The following KASH5 variants were observed in gnomAD, a reference collection of about 807,000 sequenced individuals.
KASH5 encodes protein KASH5.
KASH5 carries 72 observed loss-of-function variants against 84.2 expected under a neutral mutation model. The observed-to-expected ratio is 0.85, with a 90% CI of 0.71 to 1.04. The LOEUF is 1.04. Among genes scored for constraint, KASH5 ranks in the 50% least tolerant of loss-of-function variants. KASH5 has a pLI of 0.00. For missense variants in KASH5, 650 were observed against 701.0 expected (o/e 0.93, Z 0.82); for synonymous variants, 260 against 279.1 (o/e 0.93, Z 0.68).
chr19:49,410,958 G>A (rs1180716890), intron 15 of KASH5, among the ~76,000 whole-genome samples: 1 of 149,600 alleles, frequency 6.7e-6, no homozygotes, highest in African/African-American at 2.5e-5. Context: ...TTTTGAGACG[G>A]TCTCACTCGC....
chr19:49,411,431 T>C (rs1281463911), intron 15 of KASH5, among the ~76,000 whole-genome samples: 2 of 152,200 alleles, frequency 1.3e-5, no homozygotes, highest in Non-Finnish European at 2.9e-5. Flanking sequence ...GTTTGGGTTC[T>C]CATTTAACTC....
chr19:49,409,995 T>G lies in KASH5; in HGVS notation c.1269+120T>G, dbSNP rs968725768. On this transcript the variant is annotated intron_variant, in intron 15 of 19. Coordinates refer to ENST00000447857, the MANE Select transcript of KASH5 (RefSeq NM_144688.5). Reference sequence around the variant, plus strand: ...TGTTCCCCATTTGATGAGAAAATGTTAATTGAGGGCCCAGTGTGTGCTGGA... The same window carrying G: ...TGTTCCCCATTTGATGAGAAAATGTGAATTGAGGGCCCAGTGTGTGCTGGA... The G allele has an allele frequency of 5.4e-6, 7 of 1,302,408 alleles. No homozygotes were observed. The African/African-American group carries it at 1.0e-4, about 19-fold the overall frequency. 80.7% of individuals were successfully genotyped at this position (1,302,408 alleles called of 1,614,324 possible).
intron 9 of KASH5, among the ~76,000 whole-genome samples, chr19:49,402,879 C>T (rs547907912): frequency 2.0e-5 from 3 of 152,220 alleles, no homozygotes; most frequent in South Asian, 2.1e-4. Flanking sequence ...TCAATCTACA[C>T]GACATTCATT....
chr19:49,404,122 C>T (rs1040400952), intron 9 of KASH5, among the ~76,000 whole-genome samples: 10 of 152,208 alleles, frequency 6.6e-5, no homozygotes, highest in African/African-American at 2.2e-4. Context: ...CCTTTCCCGT[C>T]CTTCCTCTGC....
intron 5 of KASH5, among the ~76,000 whole-genome samples, chr19:49,396,371 C>T (rs1186388198): frequency 6.6e-6 from 1 of 151,884 alleles, no homozygotes; most frequent in African/African-American, 2.4e-5. Flanking sequence ...TCTTCTGCCT[C>T]AGCCTTCCGC....
In KASH5 at chr19:49,416,544, G is replaced by A. The variant is rs1295877922; in HGVS notation, c.1375-471G>A. 1.3e-5 allele frequency among the ~76,000 whole-genome samples: 2 copies of A among 152,178 alleles called. No individual in the cohort carries two copies. The highest frequency in any genetic ancestry group is 6.5e-5 in the Admixed American group (1 of 15,284). ...CGCCTGCCGATTCTGGCATAGGCAG[G>A]AAGACAGGATTCTTCATGAGGCCCA... is the stretch of plus-strand genomic sequence containing the variant. On this transcript the variant is annotated intron_variant, in intron 17 of 19. Transcript: ENST00000447857. The surrounding 1 kb of genome is among the most constrained non-coding windows in gnomAD (Gnocchi z 5.4).
Position 49,417,845 on chromosome 19 carries a change from A to G in KASH5, c.*335A>G. ...TCCTGTCCCCTCCCTCATGCTCAGG[A>G]GTTGGCAGTTGTAGCTTCCTACATC... On this transcript the variant is annotated 3_prime_UTR_variant, in exon 20 of 20. Transcript: ENST00000447857. The surrounding 1 kb of genome is among the most constrained non-coding windows in gnomAD (Gnocchi z 5.2). 3.6e-6 allele frequency: 1 copy of G among 275,872 alleles called. No homozygotes were observed. The highest frequency in any genetic ancestry group is 6.7e-6 in the Non-Finnish European group (1 of 148,270). The allele number at this position is 275,872 out of a possible 1,614,324, so 17.1% of individuals were successfully genotyped here. A position where few individuals can be genotyped will look rare whatever the true frequency, so the allele number is the denominator to read the frequency against.
chr19:49,391,550 A>G (rs1248893784), intron 2 of KASH5: 2 of 152,260 alleles, frequency 1.3e-5, no homozygotes, highest in Non-Finnish European at 2.9e-5. Context: ...ATAGAGATAT[A>G]TATATGTATA....
intron 9 of KASH5, among the ~76,000 whole-genome samples, chr19:49,403,324 G>A (rs1339234539): frequency 6.8e-6 from 1 of 146,656 alleles, no homozygotes; most frequent in Non-Finnish European, 1.5e-5. Context: ...AGTGAGCCGA[G>A]ATTGTGCCAC....
In KASH5 at chr19:49,399,350, G is replaced by C; in HGVS notation, c.748-107G>C. On this transcript the variant is annotated intron_variant, in intron 8 of 19. Coordinates refer to ENST00000447857, the MANE Select transcript of KASH5 (RefSeq NM_144688.5). This position sits in a 1 kb window ranked among gnomAD's most constrained non-coding sequence, Gnocchi z 4.4. ...CAGCAGGAGCCATCAGGGCTTCCCA[G>C]ACCCATTCCCCCAGGCCCTGGTTGT... 8.5e-7 allele frequency: 1 copy of C among 1,182,628 alleles called. No homozygotes were observed. The highest frequency in any genetic ancestry group is 1.4e-5 in the South Asian group (1 of 71,856). 73.3% of individuals were successfully genotyped at this position (1,182,628 alleles called of 1,614,324 possible). A position where few individuals can be genotyped will look rare whatever the true frequency, so the allele number is the denominator to read the frequency against.
At chr19:49,402,563 C>T (rs146582221) in intron 9 of KASH5, among the ~76,000 whole-genome samples, 2,513 of 151,894 alleles carry the variant, frequency 0.017, 66 homozygotes, top group African/African-American at 0.057. Flanking sequence ...AAAAATTAGC[C>T]AGGCGTGGTG....
chr19:49,395,369 C>T lies in KASH5; in HGVS notation c.335+77C>T, dbSNP rs992668711. On this transcript the variant is annotated intron_variant, in intron 4 of 19. Transcript: ENST00000447857. This position sits in a 1 kb window ranked among gnomAD's most constrained non-coding sequence, Gnocchi z 4.4. ...CCTCATACCTGCTTACTGGAGCCAG[C>T]ATCCTTTAGGCCCAAGGACCTACTG... 39 of 1,477,480 alleles carry T rather than the reference C, an allele frequency of 2.6e-5. 1 individual carries two copies. The highest frequency in any genetic ancestry group is 3.5e-5 in the Non-Finnish European group (38 of 1,079,470). 91.5% of individuals were successfully genotyped at this position (1,477,480 alleles called of 1,614,324 possible).
At chr19:49,393,459 T>G (rs1314757187) in intron 2 of KASH5, 1 of 152,228 alleles carries the variant, frequency 6.6e-6, no homozygotes, top group Non-Finnish European at 1.5e-5. Context: ...GGTTGCCCCC[T>G]GGATCTACCC....
chr19:49,394,844 T>C, intron 3 of KASH5: 3 of 587,306 alleles, frequency 5.1e-6, no homozygotes, highest in Non-Finnish European at 6.0e-6. Flanking sequence ...GCAGCCACCA[T>C]GGTGGCGTGG....
At chr19:49,405,103 A>G (rs576719802) in intron 9 of KASH5, among the ~76,000 whole-genome samples, 49 of 152,184 alleles carry the variant, frequency 3.2e-4, no homozygotes, top group Non-Finnish European at 6.5e-4. Context: ...GCAATGATGG[A>G]CCTTGTTTGG....
chr19:49,398,164 A>G, intron 7 of KASH5, 21 bp downstream of exon 7: 1 of 1,528,510 alleles, frequency 6.5e-7, no homozygotes, highest in East Asian at 2.3e-5. Context: ...TGCCACACCC[A>G]CCCTCCCCAG....
chr19:49,398,092 G>A lies in KASH5; in HGVS notation c.578G>A (p.Gly193Glu). 6.2e-7 allele frequency: 1 copy of A among 1,609,956 alleles called. No individual in the cohort carries two copies. The change falls in exon 7 of 20, where the codon GGG (glycine) becomes GAG (glutamate). Residue 193 changes from glycine to glutamate, a missense_variant. Coordinates refer to ENST00000447857, the MANE Select transcript of KASH5 (RefSeq NM_144688.5). The stretch of plus-strand genomic sequence containing the variant: ...CGGAGCATGGAGACAGCTGAGGAGG[G>A]GTCAGCACGCCTTGGGGAGGAGATC... ...LQRSMETAEE[G>E]SARLGEEILA...
At chr19:49,402,771 G>A (rs1974403647) in intron 9 of KASH5, among the ~76,000 whole-genome samples, 1 of 152,186 alleles carries the variant, frequency 6.6e-6, no homozygotes, top group Admixed American at 6.5e-5. Flanking sequence ...CTGCCTTACA[G>A]TTCATTGCCA....
chr19:49,390,581 C>A (rs1973969571), intron 1 of KASH5, among the ~76,000 whole-genome samples: 1 of 152,180 alleles, frequency 6.6e-6, no homozygotes, highest in Non-Finnish European at 1.5e-5. Flanking sequence ...CTCCCCCACC[C>A]ACCCACTAGC....
Sources: gnomAD v4.1 joint callset for allele counts (sites outside exome capture counted in the v4.1 genomes callset) on GRCh38, gnomAD v4.1.1 for gene constraint, Gnocchi (gnomAD v3.1) non-coding constraint, MANE v1.5 for transcripts, NCBI Gene and HGNC (gene_info 2026-07-23, HGNC 2026-07-21) for gene names.